ZNF805: variants seen among roughly 807,000 people sequenced by gnomAD.
ZNF805 encodes CTC-444N24.8.
Under a neutral mutation model 13.6 loss-of-function variants are expected in ZNF805, and 7 were observed. The ratio of observed to expected loss-of-function variants is 0.51; its 90% CI spans 0.29 to 0.97. ZNF805 has a LOEUF of 0.97. Ranked by LOEUF, ZNF805 falls within the 50% of genes least tolerant of loss-of-function variation. ZNF805 has a pLI of 0.08. For missense variants in ZNF805, 604 were observed against 771.0 expected (o/e 0.78, Z 2.57); for synonymous variants, 293 against 279.8 (o/e 1.05, Z -0.47).
chr19:57,244,215 T>TG (rs1273602038), intron 2 of ZNF805, among the ~76,000 whole-genome samples, 166 bp downstream of exon 2: 1 of 148,332 alleles, frequency 6.7e-6, no homozygotes, highest in Non-Finnish European at 1.5e-5. Flanking sequence ...TTTTTTTTTT[T>TG]TTTTTTGAGA....
Position 57,240,740 on chromosome 19 carries a change from G to T in ZNF805, c.-152G>T. 1 of 686,856 alleles carries T rather than the reference G, an allele frequency of 1.5e-6. No individual in the cohort carries two copies. Among genetic ancestry groups the T allele is most frequent in the South Asian group, 2.3e-5 (1 of 44,112 alleles). 42.5% of individuals were successfully genotyped at this position (686,856 alleles called of 1,614,324 possible). A position where few individuals can be genotyped will look rare whatever the true frequency, so the allele number is the denominator to read the frequency against. ...GGCCGACAGCGACCTCCGCGTCTCGGAGCGAACCGTGAGCCTCCCCGTAAC... is the reference window on the plus strand; with the variant it reads ...GGCCGACAGCGACCTCCGCGTCTCGTAGCGAACCGTGAGCCTCCCCGTAAC... On this transcript the variant is annotated 5_prime_UTR_variant, in exon 1 of 4. Coordinates refer to ENST00000414468, the MANE Select transcript of ZNF805 (RefSeq NM_001023563.4).
rs1007166340 is a variant in ZNF805 at position 57,262,671 on chromosome 19, A to G, written c.*7968A>G. ...ATAGTTGAAGAATATGGAGTTCGCC[A>G]TAATTTATCATTAAATGTGGATAAT... On this transcript the variant is annotated 3_prime_UTR_variant, in exon 4 of 4. Transcript: ENST00000414468. The G allele has an allele frequency of 1.8e-5, 3 of 167,142 alleles. No homozygotes were observed. Among genetic ancestry groups the G allele is most frequent in the African/African-American group, 7.2e-5 (3 of 41,464 alleles). The allele number at this position is 167,142 out of a possible 1,614,324, so 10.4% of individuals were successfully genotyped here.
rs2087706797 is a variant in ZNF805, at chr19:57,258,900, TC to T, written c.*4200del. On this transcript the variant is annotated 3_prime_UTR_variant, in exon 4 of 4. Transcript: ENST00000414468. ...GGTGTCTCTAAAAGTGTCTTTATGT[TC>T]CCTTCATTCCTGAGGGATATTTTTG... 6.6e-6 allele frequency among the ~76,000 whole-genome samples: 1 copy of T among 152,192 alleles called. No homozygotes were observed. The highest frequency in any genetic ancestry group is 2.4e-5 in the African/African-American group (1 of 41,446).
chr19:57,240,824 CG>C lies in ZNF805; in HGVS notation c.-66del. The C allele has an allele frequency of 2.0e-6, 3 of 1,488,692 alleles. No homozygotes were observed. The highest frequency in any genetic ancestry group is 2.6e-5 in the East Asian group (1 of 38,756). The allele number at this position is 1,488,692 out of a possible 1,614,324, so 92.2% of individuals were successfully genotyped here. A position where few individuals can be genotyped will look rare whatever the true frequency, so the allele number is the denominator to read the frequency against. On this transcript the variant is annotated 5_prime_UTR_variant, in exon 1 of 4. Coordinates refer to ENST00000414468, the MANE Select transcript of ZNF805 (RefSeq NM_001023563.4). Reference sequence around the variant, plus strand: ...CCCGGCGCAGGGAAGGGGTGGGGCTCGGCTGAGCCCGCGAGACCCGCCCTGC... The same window carrying C: ...CCCGGCGCAGGGAAGGGGTGGGGCTCGCTGAGCCCGCGAGACCCGCCCTGC...
At chr19:57,244,127 CA>C in intron 2 of ZNF805, 78 bp downstream of exon 2, 1 of 1,492,226 alleles carries the variant, frequency 6.7e-7, no homozygotes, top group Non-Finnish European at 9.0e-7. Context: ...CCTGATGGGT[CA>C]AGAAGTCCTC....
At chr19:57,241,712 A>G (rs568694342) in intron 1 of ZNF805, among the ~76,000 whole-genome samples, 2 of 152,058 alleles carry the variant, frequency 1.3e-5, no homozygotes, top group East Asian at 1.9e-4. Flanking sequence ...CCCTTCAGAC[A>G]TATCAATCTG....
At position 57,253,381 on chromosome 19, in the gene ZNF805, C is replaced by A. The variant is rs750973544; in HGVS notation, c.562C>A (p.His188Asn). 8.8e-5 allele frequency: 138 copies of A among 1,560,940 alleles called. No individual in the cohort carries two copies. The highest frequency in any genetic ancestry group is 8.3e-4 in the Middle Eastern group (5 of 6,022). The change falls in exon 4 of 4, where the codon CAT (histidine) becomes AAT (asparagine). Residue 188 changes from histidine (H) to asparagine (N), a missense_variant. Transcript: ENST00000414468. The surrounding 1 kb of genome is among the most constrained non-coding windows in gnomAD (Gnocchi z 4.4). ...AGATGATGTCCATGACTGTGACTCA[C>A]ATGGATCAGGTAAAAATCCAGTTAT... is the stretch of plus-strand genomic sequence containing the variant. ...LGDDVHDCDS[H>N]GSGKNPVIQE...
At position 57,256,212 on chromosome 19, in the gene ZNF805, A is replaced by G. The variant is rs931497050; in HGVS notation, c.*1509A>G. On this transcript the variant is annotated 3_prime_UTR_variant, in exon 4 of 4. Coordinates refer to ENST00000414468, the MANE Select transcript of ZNF805 (RefSeq NM_001023563.4). ...TCATGGAGTATAATTTTGTTTGTGT[A>G]CTATGCTACAGTATTTCATTTGCTA... Among the ~76,000 whole-genome samples, 4 of 152,112 alleles carry G rather than the reference A, an allele frequency of 2.6e-5. No homozygotes were observed. Among genetic ancestry groups the G allele is most frequent in the African/African-American group, 7.2e-5 (3 of 41,454 alleles).
At chr19:57,243,104 T>C (rs893068056) in intron 1 of ZNF805, among the ~76,000 whole-genome samples, 3 of 152,178 alleles carry the variant, frequency 2.0e-5, no homozygotes, top group Admixed American at 2.0e-4. Context: ...TAGTCCCAGC[T>C]ACTTGGGCGG....
intron 2 of ZNF805, 149 bp downstream of exon 2, chr19:57,244,198 CCTT>C: frequency 1.6e-6 from 1 of 632,018 alleles, no homozygotes; most frequent in Non-Finnish European, 2.3e-6. Context: ...CTCACCTCTT[CCTT>C]TTTTTTTTTT....
At chr19:57,242,176 A>G (rs1338023595) in intron 1 of ZNF805, among the ~76,000 whole-genome samples, 1 of 152,274 alleles carries the variant, frequency 6.6e-6, no homozygotes, top group African/African-American at 2.4e-5. Flanking sequence ...TGAAAGTCAC[A>G]TAGCACTTAA....
Position 57,253,614 on chromosome 19 carries a change from G to A in ZNF805, c.795G>A (p.Gly265=), listed in dbSNP as rs566914125. Residue 265 remains glycine (G), a synonymous_variant, in exon 4 of 4, where the codon GGG becomes GGA. Coordinates refer to ENST00000414468, the MANE Select transcript of ZNF805 (RefSeq NM_001023563.4). This position sits in a 1 kb window ranked among gnomAD's most constrained non-coding sequence, Gnocchi z 4.4. ...GEKPYKCMEC[G]KAFNRKSHLT... ...AGCCCTATAAGTGCATGGAGTGTGG[G>A]AAGGCTTTTAATCGGAAGTCACACC... is the stretch of plus-strand genomic sequence containing the variant. 6.2e-7 allele frequency: 1 copy of A among 1,613,744 alleles called. No individual in the cohort carries two copies. The highest frequency in any genetic ancestry group is 1.1e-5 in the South Asian group (1 of 91,042).
Position 57,240,921 on chromosome 19 carries a change from G to C in ZNF805, c.30G>C (p.Gln10His). The C allele has an allele frequency of 1.3e-6, 2 of 1,560,016 alleles. No homozygotes were observed. The highest frequency in any genetic ancestry group is 2.4e-5 in the South Asian group (2 of 84,490). The stretch of plus-strand genomic sequence containing the variant: ...CGATGGCTTTGACGGACCCGGCGCA[G>C]GTGAGTGGACAAGGTTTCGGCCTTG... MAMALTDPAQVSVTFDDVAV... is the reference protein window; with the variant it reads MAMALTDPAHVSVTFDDVAV... The change falls in exon 1 of 4, where the codon CAG (glutamine) becomes CAC (histidine). Residue 10 changes from glutamine to histidine, a missense_variant and splice_region_variant. This residue lies in a region of ZNF805 where 327 missense variants were observed against 378.2 expected (regional missense o/e 0.86). Transcript: ENST00000414468.
At chr19:57,245,441 T>C (rs2087606992) in intron 2 of ZNF805, among the ~76,000 whole-genome samples, 1 of 152,096 alleles carries the variant, frequency 6.6e-6, no homozygotes, top group Non-Finnish European at 1.5e-5. Context: ...GATGTTGAGC[T>C]TCAGTGGACA....
chr19:57,247,173 A>G (rs1318073113), intron 2 of ZNF805, among the ~76,000 whole-genome samples: 4 of 152,084 alleles, frequency 2.6e-5, no homozygotes, highest in African/African-American at 2.4e-5. Flanking sequence ...CTGCGCTGCT[A>G]TATGAAGTTT....
At position 57,262,156 on chromosome 19, in the gene ZNF805, G is replaced by C. The variant is rs1175331406; in HGVS notation, c.*7453G>C. On this transcript the variant is annotated 3_prime_UTR_variant, in exon 4 of 4. Coordinates refer to ENST00000414468, the MANE Select transcript of ZNF805 (RefSeq NM_001023563.4). ...AACCTAAAGTACAGACTCCAGCCAAGGATGAACCTTGCAAGATCAAAGAAT... is the reference window on the plus strand; with the variant it reads ...AACCTAAAGTACAGACTCCAGCCAACGATGAACCTTGCAAGATCAAAGAAT... The C allele has an allele frequency of 1.2e-5, 2 of 166,992 alleles. No homozygotes were observed. The highest frequency in any genetic ancestry group is 2.9e-5 in the Non-Finnish European group (2 of 68,116). 10.3% of individuals were successfully genotyped at this position (166,992 alleles called of 1,614,324 possible). A position where few individuals can be genotyped will look rare whatever the true frequency, so the allele number is the denominator to read the frequency against.
In ZNF805 at chr19:57,240,880, C is replaced by T. The variant is rs1032897120; in HGVS notation, c.-12C>T. ...CGCAGCCCCCGCCCCGCTAGGGCCA[C>T]AGGGTCCCGGTATGGCGATGGCTTT... is the stretch of plus-strand genomic sequence containing the variant. On this transcript the variant is annotated 5_prime_UTR_variant, in exon 1 of 4. Coordinates refer to ENST00000414468, the MANE Select transcript of ZNF805 (RefSeq NM_001023563.4). 7.7e-6 allele frequency: 12 copies of T among 1,552,200 alleles called. No homozygotes were observed. The African/African-American group carries it at 1.5e-4, about 19-fold the overall frequency.
At position 57,240,902 on chromosome 19, in the gene ZNF805, C is replaced by T; in HGVS notation, c.11C>T (p.Ala4Val). The T allele has an allele frequency of 6.4e-7, 1 of 1,556,964 alleles. No homozygotes were observed. MAM[A>V]LTDPAQVSVT... ...CCACAGGGTCCCGGTATGGCGATGG[C>T]TTTGACGGACCCGGCGCAGGTGAGT... The change falls in exon 1 of 4, where the codon GCT becomes GTT. Residue 4 changes from alanine to valine, a missense_variant. Physicochemically the swap from Ala to Val is moderately conservative, Grantham distance 64. This residue lies in a region of ZNF805 where 327 missense variants were observed against 378.2 expected (regional missense o/e 0.86). Coordinates refer to ENST00000414468, the MANE Select transcript of ZNF805 (RefSeq NM_001023563.4).
chr19:57,245,761 A>G (rs1345525622), intron 2 of ZNF805, among the ~76,000 whole-genome samples: 1 of 151,754 alleles, frequency 6.6e-6, no homozygotes, highest in Non-Finnish European at 1.5e-5. Context: ...CCTGGGCGAC[A>G]GAGCGAGACT....
Sources: gnomAD v4.1 joint callset for allele counts (sites outside exome capture counted in the v4.1 genomes callset) on GRCh38, gnomAD v4.1.1 for gene constraint, gnomAD v4.1.1 regional missense constraint, Gnocchi (gnomAD v3.1) non-coding constraint, MANE v1.5 for transcripts, NCBI Gene and HGNC (gene_info 2026-07-23, HGNC 2026-07-21) for gene names.